CCPG1: variants seen among roughly 807,000 people sequenced by gnomAD.
CCPG1 encodes cell cycle progression 1, also known as cell cycle progression protein 1.
A neutral mutation model predicts 81.3 loss-of-function variants in CCPG1; 46 were observed. The ratio of observed to expected loss-of-function variants is 0.57; its 90% confidence interval spans 0.45 to 0.72. CCPG1 has a LOEUF of 0.72. Ranked by LOEUF, CCPG1 falls within the 30% of genes least tolerant of loss-of-function variation. The pLI is 0.00. For synonymous variants in CCPG1, 330 were observed against 305.2 expected (o/e 1.08, Z -0.85); for missense variants, 902 against 937.6 (o/e 0.96, Z 0.50).
chr15:55,361,088 A>T, intron 7 of CCPG1, 144 bp from the exon 8 acceptor site: 1 of 855,228 alleles, frequency 1.2e-6, no homozygotes, highest in Non-Finnish European at 1.7e-6. Flanking sequence ...CAATAGTATA[A>T]ACATTGGGAA....
At chr15:55,396,954 C>A (rs1172759471) in intron 1 of CCPG1, among the ~76,000 whole-genome samples, 1 of 152,146 alleles carries the variant, frequency 6.6e-6, no homozygotes, top group Non-Finnish European at 1.5e-5. Flanking sequence ...CCTGTAATCC[C>A]AGCACTCCAG....
At chr15:55,356,686 ATG>A (rs1233850301) in intron 8 of CCPG1, 1 of 1,128,002 alleles carries the variant, frequency 8.9e-7, no homozygotes, top group Non-Finnish European at 1.1e-6. Context: ...AAATAATGAG[ATG>A]TGTTTCCATT....
In CCPG1 at chr15:55,395,303, A is replaced by G. The variant is rs567476836; in HGVS notation, c.-9-5870T>C. Among the ~76,000 whole-genome samples the G allele has an allele frequency of 7.9e-5, 12 of 152,312 alleles. No individual in the cohort carries two copies. In the South Asian group the frequency reaches 1.2e-3, roughly 16 times the overall value. On this transcript the variant is annotated intron_variant, in intron 1 of 8. Coordinates refer to ENST00000442196, the MANE Select transcript of CCPG1 (RefSeq NM_001204450.2). ...GTGTACTACAATCAAAGGAAAAAAA[A>G]AAAAGTAACTTTTTAAGCCCTATCC...
chr15:55,394,422 T>C (rs1234865203), intron 1 of CCPG1, among the ~76,000 whole-genome samples: 1 of 152,218 alleles, frequency 6.6e-6, no homozygotes, highest in South Asian at 2.1e-4. Context: ...GAGGGCTTTG[T>C]GATAAGAAAA....
intron 5 of CCPG1, among the ~76,000 whole-genome samples, chr15:55,376,538 T>C (rs1419525299): frequency 2.6e-5 from 4 of 152,200 alleles, no homozygotes; most frequent in Non-Finnish European, 4.4e-5. Flanking sequence ...TGATTAATAA[T>C]TGAATATATC....
At chr15:55,400,645 A>G (rs1402095385) in intron 1 of CCPG1, among the ~76,000 whole-genome samples, 7 of 152,236 alleles carry the variant, frequency 4.6e-5, no homozygotes, top group Non-Finnish European at 1.0e-4. Context: ...GCTGCCAACA[A>G]CATATGAAAG....
At chr15:55,372,862 C>G in intron 5 of CCPG1, 1 of 494,418 alleles carries the variant, frequency 2.0e-6, no homozygotes. Context: ...TATCTGGTCT[C>G]TAGTTTCATT....
rs559108103 is a variant in CCPG1, at chr15:55,402,376, C to G, written c.-10+5845G>C. 1.4e-4 allele frequency among the ~76,000 whole-genome samples: 21 copies of G among 152,216 alleles called. No homozygotes were observed. The East Asian group carries it at 4.1e-3, about 29-fold the overall frequency. On this transcript the variant is annotated intron_variant, in intron 1 of 8. Transcript: ENST00000442196. ...CTGAGTAATTGGGACTACAGGTACA[C>G]ACCACCAAGTCAGGCTAATTTTTGT...
At chr15:55,377,274 C>T in intron 4 of CCPG1, 124 bp from the exon 5 acceptor site, 5 of 688,220 alleles carry the variant, frequency 7.3e-6, no homozygotes, top group Non-Finnish European at 1.2e-5. Context: ...ATGATTCCTA[C>T]TATTAGTAAA....
Position 55,355,529 on chromosome 15 carries a change from A to C in CCPG1, c.*691T>G, listed in dbSNP as rs2056061328. 3 of 962,660 alleles carry C rather than the reference A, an allele frequency of 3.1e-6. No individual in the cohort carries two copies. The highest frequency in any genetic ancestry group is 4.7e-6 in the Non-Finnish European group (3 of 645,128). The allele number at this position is 962,660 out of a possible 1,614,324, so 59.6% of individuals were successfully genotyped here. On this transcript the variant is annotated 3_prime_UTR_variant, in exon 9 of 9. Coordinates refer to ENST00000442196, the MANE Select transcript of CCPG1 (RefSeq NM_001204450.2). ...GGTAAGATTCATGGAACTTAGAAAA[A>C]AGCTGTATGAACTGCTTTACCAAAT...
intron 7 of CCPG1, 121 bp from the exon 8 acceptor site, chr15:55,361,065 C>T (rs945993925): frequency 6.0e-5 from 64 of 1,068,520 alleles, no homozygotes; most frequent in Non-Finnish European, 7.3e-5. Context: ...TACAACCCCC[C>T]GGGTAGTATT....
rs963625494 is a variant in CCPG1, at chr15:55,368,035, C to A, written c.707-2726G>T. Among the ~76,000 whole-genome samples, 45 of 152,122 alleles carry A rather than the reference C, an allele frequency of 3.0e-4. 3 individuals carry two copies. Among genetic ancestry groups the A allele is most frequent in the Non-Finnish European group, 4.4e-5 (3 of 68,030 alleles). On this transcript the variant is annotated intron_variant, in intron 6 of 8. Transcript: ENST00000442196. ...CCTATCTAGATTCCAAGACGTTTTA[C>A]AATACACAGTTGACCCTTGAGCAAC...
intron 6 of CCPG1, among the ~76,000 whole-genome samples, 153 bp downstream of exon 6, chr15:55,371,640 T>A (rs2056451320): frequency 6.6e-6 from 1 of 152,166 alleles, no homozygotes; most frequent in African/African-American, 2.4e-5. Flanking sequence ...AGCACCCACT[T>A]CCCGAATGAG....
intron 2 of CCPG1, 68 bp downstream of exon 2, chr15:55,389,297 A>T: frequency 1.8e-6 from 2 of 1,110,718 alleles, no homozygotes; most frequent in Non-Finnish European, 2.7e-6. Context: ...ATCTTCAAAG[A>T]ACACAGTTTA....
intron 1 of CCPG1, among the ~76,000 whole-genome samples, chr15:55,399,196 G>C (rs1231185244): frequency 6.6e-6 from 1 of 152,040 alleles, no homozygotes; most frequent in Non-Finnish European, 1.5e-5. Flanking sequence ...TGTTAAATAG[G>C]GTGGTTAGGG....
Position 55,377,123 on chromosome 15 carries a change from T to G in CCPG1, c.280A>C (p.Ser94Arg). Residue 94 changes from serine to arginine, a missense_variant, in exon 5 of 9, where the codon AGT becomes CGT. By Grantham distance (110) the Ser-to-Arg change is moderately radical. Transcript: ENST00000442196. Reference protein sequence around the residue: ...EAEEQKIPEDSIYIGTASDDS... With the variant: ...EAEEQKIPEDRIYIGTASDDS... ...TCACTGGCAGTTCCAATATAGATAC[T>G]GTCTTCGGGTATCTTTTGTTCCTCT... The G allele has an allele frequency of 6.2e-7, 1 of 1,612,930 alleles. No homozygotes were observed. The highest frequency in any genetic ancestry group is 2.2e-5 in the East Asian group (1 of 44,856).
chr15:55,368,013 A>G (rs1342456595), intron 6 of CCPG1, among the ~76,000 whole-genome samples: 1 of 151,958 alleles, frequency 6.6e-6, no homozygotes, highest in Non-Finnish European at 1.5e-5. Flanking sequence ...AAACTTTCCT[A>G]TCTAGATTCC....
intron 6 of CCPG1, among the ~76,000 whole-genome samples, chr15:55,368,678 T>A (rs1470214457): frequency 6.6e-6 from 1 of 152,200 alleles, no homozygotes; most frequent in Non-Finnish European, 1.5e-5. Flanking sequence ...CAGAACCAAA[T>A]ACCTGGAGTA....
At chr15:55,375,345 G>C (rs2056542931) in intron 5 of CCPG1, among the ~76,000 whole-genome samples, 1 of 152,072 alleles carries the variant, frequency 6.6e-6, no homozygotes, top group African/African-American at 2.4e-5. Flanking sequence ...GCTTCAATTT[G>C]ACTTTTCTGG....
Sources: gnomAD v4.1 joint callset for allele counts (sites outside exome capture counted in the v4.1 genomes callset) on GRCh38, gnomAD v4.1.1 for gene constraint, MANE v1.5 for transcripts, NCBI Gene and HGNC (gene_info 2026-07-23, HGNC 2026-07-21) for gene names.